C2CD5: variants seen among roughly 807,000 people sequenced by gnomAD.
C2CD5 encodes C2 calcium dependent domain containing 5, also known as C2 domain-containing protein 5.
Under a neutral mutation model 130.3 loss-of-function variants are expected in C2CD5, and 109 were observed. The observed-to-expected ratio is 0.84, with a 90% CI of 0.72 to 0.98. C2CD5 has a LOEUF of 0.98. Ranked by LOEUF, C2CD5 falls within the 50% of genes least tolerant of loss-of-function variation. The pLI is 0.00. For missense variants in C2CD5, 996 were observed against 1,261.8 expected, an observed-to-expected ratio of 0.79 and a Z score of 3.19; for synonymous variants, 454 against 429.2, an observed-to-expected ratio of 1.06 and a Z score of -0.71.
chr12:22,459,357 C>CAAAA, intron 23 of C2CD5, 135 bp downstream of exon 23: 2 of 420,268 alleles, frequency 4.8e-6, no homozygotes, highest in East Asian at 3.8e-5. Flanking sequence ...ATTCTACCTA[C>CAAAA]AAAAAAAAAA....
chr12:22,467,831 T>C (rs920012779), intron 22 of C2CD5, among the ~76,000 whole-genome samples: 14 of 152,216 alleles, frequency 9.2e-5, no homozygotes, highest in African/African-American at 2.4e-4. Context: ...GGATACCGTA[T>C]AGTAACGATC....
chr12:22,533,247 G>T, intron 3 of C2CD5, among the ~76,000 whole-genome samples: 1 of 152,132 alleles, frequency 6.6e-6, no homozygotes. Context: ...TCTTCGGTTT[G>T]AAACCTCACT....
chr12:22,453,907 T>C lies in C2CD5; in HGVS notation c.3013A>G (p.Asn1005Asp). The change falls in exon 26 of 27, where the codon AAT (asparagine) becomes GAT (aspartate). Residue 1005 changes from asparagine (N) to aspartate (D), a missense_variant. Asn to Asp is a conservative substitution (Grantham distance 23, BLOSUM62 1). Around this residue, in one of 9 missense-constraint regions of C2CD5, gnomAD observed 51 missense variants for 99.5 expected, o/e 0.51. Transcript: ENST00000446597. ...MKQCVFMENP[N>D]KNQAQCLINV... ...TAACTGCATCTTACCTGGTTTTTAT[T>C]TGGATTCTCCATGAAGACACACTGC... is the stretch of plus-strand genomic sequence containing the variant. The C allele has an allele frequency of 6.2e-7, 1 of 1,611,046 alleles. No homozygotes were observed. The highest frequency in any genetic ancestry group is 1.1e-5 in the South Asian group (1 of 90,206).
At chr12:22,540,238 A>G (rs1025219406) in intron 2 of C2CD5, among the ~76,000 whole-genome samples, 1 of 152,122 alleles carries the variant, frequency 6.6e-6, no homozygotes, top group Non-Finnish European at 1.5e-5. Flanking sequence ...AGTCACATTC[A>G]CGTGGTTTTA....
chr12:22,523,629 A>C lies in C2CD5; in HGVS notation c.602-5T>G, dbSNP rs1055337256. 6 of 1,608,266 alleles carry C rather than the reference A, an allele frequency of 3.7e-6. No homozygotes were observed. The highest frequency in any genetic ancestry group is 5.1e-6 in the Non-Finnish European group (6 of 1,176,256). On this transcript the variant is annotated splice_polypyrimidine_tract_variant and splice_region_variant and intron_variant, in intron 6 of 26. Transcript: ENST00000446597. The stretch of plus-strand genomic sequence containing the variant: ...CAATCTTCCTCTGCAGCTCACCTAC[A>C]AAACATGGGAAATCTCATTCTTGCT...
chr12:22,533,907 C>G (rs1420424300), intron 3 of C2CD5, among the ~76,000 whole-genome samples: 1 of 152,190 alleles, frequency 6.6e-6, no homozygotes, highest in Non-Finnish European at 1.5e-5. Context: ...AAGTTGGGGC[C>G]ACGTGTGGTG....
chr12:22,464,448 C>T (rs1405408373), intron 22 of C2CD5, among the ~76,000 whole-genome samples: 1 of 152,080 alleles, frequency 6.6e-6, no homozygotes, highest in Non-Finnish European at 1.5e-5. Flanking sequence ...TTGCTTTTTA[C>T]TCCCTCTTCC....
intron 4 of C2CD5, among the ~76,000 whole-genome samples, chr12:22,527,297 A>C (rs1383499332): frequency 6.7e-6 from 1 of 149,312 alleles, no homozygotes; most frequent in Non-Finnish European, 1.5e-5. Flanking sequence ...AAAAGGCATC[A>C]TCTTAAGATA....
At chr12:22,484,535 T>G (rs1409548226) in intron 13 of C2CD5, 162 bp downstream of exon 13, 2 of 290,896 alleles carry the variant, frequency 6.9e-6, no homozygotes, top group Non-Finnish European at 1.2e-5. Flanking sequence ...ACACAGAGGG[T>G]TTTTTTTTTA....
chr12:22,512,579 G>A, intron 9 of C2CD5: 1 of 1,093,676 alleles, frequency 9.1e-7, no homozygotes, highest in Non-Finnish European at 1.3e-6. Flanking sequence ...AAATTTAAAT[G>A]ACCAAGATTA....
Position 22,449,529 on chromosome 12 carries a change from T to G in C2CD5, c.*231A>C, listed in dbSNP as rs1164478835. ...TCTTTGCTACGGTTCTTTTAAAAAT[T>G]TATCTTAACTTACTGAAGGGTCAAG... On this transcript the variant is annotated 3_prime_UTR_variant, in exon 27 of 27. Transcript: ENST00000446597. The G allele has an allele frequency of 2.8e-6, 1 of 353,020 alleles. No homozygotes were observed. The highest frequency in any genetic ancestry group is 4.5e-5 in the Admixed American group (1 of 22,236). The allele number at this position is 353,020 out of a possible 1,614,324, so 21.9% of individuals were successfully genotyped here.
chr12:22,529,514 GATAC>G (rs1401452603), intron 3 of C2CD5, among the ~76,000 whole-genome samples: 1 of 152,052 alleles, frequency 6.6e-6, no homozygotes, highest in Non-Finnish European at 1.5e-5. Flanking sequence ...AATAGCTTGT[GATAC>G]ATACATAGAT....
At chr12:22,474,917 T>C (rs1301986050) in intron 15 of C2CD5, 26 bp from the exon 16 acceptor site, 1 of 1,488,782 alleles carries the variant, frequency 6.7e-7, no homozygotes, top group Non-Finnish European at 9.1e-7. Context: ...TTGTTTTATA[T>C]CATATGAGAT....
chr12:22,510,718 T>G (rs778500605), intron 9 of C2CD5, among the ~76,000 whole-genome samples: 4 of 152,204 alleles, frequency 2.6e-5, no homozygotes, highest in African/African-American at 9.7e-5. Context: ...AAAAGGAAAG[T>G]TCTATGGTAA....
At chr12:22,465,168 A>G (rs1056867565) in intron 22 of C2CD5, among the ~76,000 whole-genome samples, 6 of 152,132 alleles carry the variant, frequency 3.9e-5, no homozygotes, top group Non-Finnish European at 5.9e-5. Context: ...AGCTAATGTA[A>G]TGAATAGAGT....
intron 10 of C2CD5, among the ~76,000 whole-genome samples, chr12:22,504,217 T>A (rs7974536): frequency 0.038 from 5,857 of 152,186 alleles, 373 homozygotes; most frequent in African/African-American, 0.13. Context: ...TTAAACTTAT[T>A]TAAGTAAACT....
intron 3 of C2CD5, among the ~76,000 whole-genome samples, chr12:22,531,157 C>G (rs986856282): frequency 1.3e-5 from 2 of 152,180 alleles, no homozygotes; most frequent in Non-Finnish European, 2.9e-5. Flanking sequence ...TTTTTTGACA[C>G]ATATATTCCA....
intron 3 of C2CD5, among the ~76,000 whole-genome samples, chr12:22,530,256 C>CTG: frequency 6.9e-6 from 1 of 144,926 alleles, no homozygotes; most frequent in East Asian, 2.0e-4. Flanking sequence ...ATACATACAA[C>CTG]TGTGTATATA....
At chr12:22,543,867 G>A (rs992082964) in intron 2 of C2CD5, among the ~76,000 whole-genome samples, 194 bp downstream of exon 2, 1 of 152,150 alleles carries the variant, frequency 6.6e-6, no homozygotes, top group Non-Finnish European at 1.5e-5. Context: ...ACTGTGCCGC[G>A]GACGCCTGCA....
Sources: allele counts gnomAD v4.1 joint callset (sites outside exome capture counted in the v4.1 genomes callset), GRCh38; gene constraint gnomAD v4.1.1; regional missense constraint gnomAD v4.1.1; transcripts MANE v1.5; gene names NCBI Gene and HGNC (gene_info 2026-07-23, HGNC 2026-07-21).